The following TRAPPC9 variants were observed in gnomAD, a reference collection of about 807,000 sequenced individuals.
TRAPPC9 encodes the protein IKK2 binding protein.
Under a neutral mutation model 124.0 loss-of-function variants are expected in TRAPPC9, and 83 were observed. That is an observed-to-expected ratio of 0.67 (90% CI 0.56 to 0.80). The LOEUF is 0.80. Among genes scored for constraint, TRAPPC9 ranks in the 30% least tolerant of loss-of-function variants. The pLI is 0.00. For missense variants in TRAPPC9, 1,302 were observed against 1,508.3 expected (o/e 0.86, Z 2.27); for synonymous variants, 638 against 617.5 (o/e 1.03, Z -0.49).
At chr8:139,824,715 T>C (rs1197879705) in intron 21 of TRAPPC9, among the ~76,000 whole-genome samples, 2 of 152,080 alleles carry the variant, frequency 1.3e-5, no homozygotes, top group African/African-American at 4.8e-5. Context: ...CAAGTACCAC[T>C]ACGCCCAGCT....
At chr8:139,949,344 C>A (rs1834484276) in intron 19 of TRAPPC9, among the ~76,000 whole-genome samples, 1 of 151,992 alleles carries the variant, frequency 6.6e-6, no homozygotes, top group South Asian at 2.1e-4. Context: ...AAAGAAAAAA[C>A]AGAAAACATT....
chr8:140,212,363 A>G (rs1293647650), intron 17 of TRAPPC9, among the ~76,000 whole-genome samples: 1 of 152,130 alleles, frequency 6.6e-6, no homozygotes. Flanking sequence ...ATAGTTTTCC[A>G]TTTTCAGTTT....
At chr8:140,390,333 A>G (rs1056309215) in intron 7 of TRAPPC9, among the ~76,000 whole-genome samples, 14 of 152,054 alleles carry the variant, frequency 9.2e-5, no homozygotes, top group African/African-American at 3.1e-4. Context: ...AAAAGAGATA[A>G]ATATCAACTC....
intron 21 of TRAPPC9, among the ~76,000 whole-genome samples, chr8:139,765,344 T>G (rs1551760): frequency 0.32 from 49,074 of 152,166 alleles, 9,875 homozygotes; most frequent in African/African-American, 0.58. Context: ...ACAGGGTCAC[T>G]GACGCCCTCG....
chr8:140,184,440 T>C (rs926352433), intron 17 of TRAPPC9, among the ~76,000 whole-genome samples: 2 of 152,096 alleles, frequency 1.3e-5, no homozygotes, highest in African/African-American at 2.4e-5. Flanking sequence ...CCTTTATTAT[T>C]TTTTTCTCTT....
At chr8:140,313,023 G>A (rs1347936616) in intron 9 of TRAPPC9, among the ~76,000 whole-genome samples, 1 of 152,146 alleles carries the variant, frequency 6.6e-6, no homozygotes, top group Non-Finnish European at 1.5e-5. Flanking sequence ...GCCTTCCAAA[G>A]TACTGGGATT....
intron 21 of TRAPPC9, among the ~76,000 whole-genome samples, chr8:139,770,843 T>C (rs1250382389): frequency 2.6e-5 from 4 of 152,180 alleles, no homozygotes; most frequent in African/African-American, 9.7e-5. Context: ...GGAAGGCAGC[T>C]GAGGACAGTC....
chr8:139,981,587 T>C (rs960421118), intron 19 of TRAPPC9, among the ~76,000 whole-genome samples: 2 of 152,148 alleles, frequency 1.3e-5, no homozygotes, highest in African/African-American at 2.4e-5. Context: ...TTTGGAATGT[T>C]TGAAGGAATT....
chr8:140,194,497 T>C (rs960043401), intron 17 of TRAPPC9, among the ~76,000 whole-genome samples: 6 of 152,182 alleles, frequency 3.9e-5, no homozygotes, highest in African/African-American at 1.4e-4. Context: ...TCAGTACAGA[T>C]GCAGTTTTTT....
chr8:139,805,082 G>A (rs951821040), intron 21 of TRAPPC9, among the ~76,000 whole-genome samples: 1 of 152,186 alleles, frequency 6.6e-6, no homozygotes, highest in Non-Finnish European at 1.5e-5. Context: ...CGAGGGAGGT[G>A]TCTCTTCATC....
chr8:139,964,831 A>C (rs1274050512), intron 19 of TRAPPC9, among the ~76,000 whole-genome samples: 1 of 152,210 alleles, frequency 6.6e-6, no homozygotes, highest in Non-Finnish European at 1.5e-5. Flanking sequence ...TATTCCCACC[A>C]AGGACCTTAG....
chr8:139,866,720 G>A (rs1253015304), intron 21 of TRAPPC9, among the ~76,000 whole-genome samples: 2 of 152,154 alleles, frequency 1.3e-5, no homozygotes, highest in Non-Finnish European at 2.9e-5. Context: ...TGTCAGTGTG[G>A]GCCAGTGACT....
At chr8:139,941,133 G>A (rs1241316524) in intron 19 of TRAPPC9, among the ~76,000 whole-genome samples, 1 of 152,216 alleles carries the variant, frequency 6.6e-6, no homozygotes, top group Non-Finnish European at 1.5e-5. Context: ...TGAAGAACAG[G>A]GCAGCAGAGC....
intron 9 of TRAPPC9, among the ~76,000 whole-genome samples, chr8:140,345,846 G>A (rs560460383): frequency 2.0e-5 from 3 of 152,334 alleles, no homozygotes; most frequent in East Asian, 1.9e-4. Context: ...GATGGGAAAC[G>A]GGGCTGGGGT....
At chr8:140,211,272 T>C (rs533153088) in intron 17 of TRAPPC9, among the ~76,000 whole-genome samples, 19 of 152,184 alleles carry the variant, frequency 1.2e-4, no homozygotes, top group Non-Finnish European at 2.5e-4. Flanking sequence ...TAAAATTAGC[T>C]GGAAGGCCAG....
intron 19 of TRAPPC9, among the ~76,000 whole-genome samples, chr8:139,967,340 T>G (rs539669625): frequency 6.6e-6 from 1 of 152,210 alleles, no homozygotes; most frequent in South Asian, 2.1e-4. Flanking sequence ...AGAACTTAAA[T>G]GAGAAACAAG....
intron 17 of TRAPPC9, among the ~76,000 whole-genome samples, chr8:140,153,457 T>C (rs1408610535): frequency 6.6e-6 from 1 of 152,102 alleles, no homozygotes; most frequent in East Asian, 1.9e-4. Flanking sequence ...GCTTCCTTTC[T>C]CCTATGCTAT....
At chr8:140,293,129 G>A (rs1464445241) in intron 11 of TRAPPC9, among the ~76,000 whole-genome samples, 1 of 147,988 alleles carries the variant, frequency 6.8e-6, no homozygotes, top group African/African-American at 2.6e-5. Context: ...CACCATCACT[G>A]GCCATCAGAG....
chr8:139,731,006 AG>A lies in TRAPPC9; in HGVS notation c.*54del. ...CCTTGCTCATTGCAGGGGGTGTGGG[AG>A]GCCAGGCAGGGTCACCTCTGGCCCT... On this transcript the variant is annotated 3_prime_UTR_variant, in exon 23 of 23. Coordinates refer to ENST00000438773, the MANE Select transcript of TRAPPC9 (RefSeq NM_001160372.4). 1 of 1,591,544 alleles carries A rather than the reference AG, an allele frequency of 6.3e-7. No homozygotes were observed. Among genetic ancestry groups the A allele is most frequent in the South Asian group, 1.1e-5 (1 of 89,680 alleles).
Sources: gnomAD v4.1 joint callset for allele counts (sites outside exome capture counted in the v4.1 genomes callset) on GRCh38, gnomAD v4.1.1 for gene constraint, MANE v1.5 for transcripts, NCBI Gene and HGNC (gene_info 2026-07-23, HGNC 2026-07-21) for gene names.